The following BNC2 variants were observed in gnomAD, a reference collection of about 807,000 sequenced individuals.
BNC2 encodes the protein basonuclin zinc finger protein 2, also known as zinc finger protein basonuclin-2.
In BNC2, 20 loss-of-function variants were observed where a neutral mutation model predicts 76.3. The observed-to-expected ratio is 0.26, with a 90% CI of 0.18 to 0.38. The LOEUF is 0.38. Among genes scored for constraint, BNC2 ranks in the 10% least tolerant of loss-of-function variants. BNC2 has a pLI of 1.00. For missense variants in BNC2, 1,382 were observed against 1,399.8 expected, an observed-to-expected ratio of 0.99 and a Z score of 0.20; for synonymous variants, 582 against 514.8, an observed-to-expected ratio of 1.13 and a Z score of -1.77.
At chr9:16,710,744 TC>T (rs1823813124) in intron 3 of BNC2, among the ~76,000 whole-genome samples, 1 of 151,718 alleles carries the variant, frequency 6.6e-6, no homozygotes, top group Admixed American at 6.6e-5. Flanking sequence ...CATTCTCCCC[TC>T]CCCCTCCCAA....
intron 5 of BNC2, among the ~76,000 whole-genome samples, chr9:16,533,917 C>T (rs1327540548): frequency 6.6e-6 from 1 of 152,086 alleles, no homozygotes; most frequent in Non-Finnish European, 1.5e-5. Context: ...ACTTTTAAGA[C>T]AATCATTCTT....
At chr9:16,540,156 ATTTT>A (rs36075261) in intron 5 of BNC2, among the ~76,000 whole-genome samples, 3 of 118,470 alleles carry the variant, frequency 2.5e-5, no homozygotes, top group South Asian at 2.7e-4. Flanking sequence ...ATTTAACGTG[ATTTT>A]TTTTTTTTTT....
intron 1 of BNC2, among the ~76,000 whole-genome samples, chr9:16,784,235 A>T (rs1205371150): frequency 1.3e-5 from 2 of 152,232 alleles, no homozygotes; most frequent in Non-Finnish European, 2.9e-5. Context: ...ACAGCTGTGC[A>T]AACAGATAAT....
chr9:16,572,787 TGAC>T (rs1819362632), intron 4 of BNC2, among the ~76,000 whole-genome samples: 1 of 152,092 alleles, frequency 6.6e-6, no homozygotes, highest in Non-Finnish European at 1.5e-5. Context: ...TTTACAGTGG[TGAC>T]TCAAGGGACA....
intron 1 of BNC2, among the ~76,000 whole-genome samples, chr9:16,836,040 A>G (rs1818698535): frequency 6.6e-6 from 1 of 152,214 alleles, no homozygotes; most frequent in Non-Finnish European, 1.5e-5. Flanking sequence ...TCATCTGGTT[A>G]TAACACGAGG....
intron 1 of BNC2, among the ~76,000 whole-genome samples, chr9:16,852,332 A>G (rs1194367865): frequency 1.3e-5 from 2 of 152,206 alleles, no homozygotes; most frequent in African/African-American, 4.8e-5. Context: ...GTTTACATCT[A>G]TCCTGGAAAC....
chr9:16,707,018 C>A (rs1005202186), intron 3 of BNC2, among the ~76,000 whole-genome samples: 1 of 152,094 alleles, frequency 6.6e-6, no homozygotes. Context: ...CTGGCTAACA[C>A]GGTGAAACCC....
At chr9:16,623,575 A>T (rs1297929218) in intron 3 of BNC2, among the ~76,000 whole-genome samples, 1 of 152,224 alleles carries the variant, frequency 6.6e-6, no homozygotes, top group Non-Finnish European at 1.5e-5. Flanking sequence ...AAAAATTTCA[A>T]GTTAATATGA....
At chr9:16,472,559 G>C (rs965277615) in intron 5 of BNC2, among the ~76,000 whole-genome samples, 1 of 152,156 alleles carries the variant, frequency 6.6e-6, no homozygotes, top group Non-Finnish European at 1.5e-5. Flanking sequence ...TTCCAGACTG[G>C]CTCGCCTATT....
Position 16,706,957 on chromosome 9 carries a change from C to T in BNC2, c.330+20840G>A, listed in dbSNP as rs774349988. 8.7e-4 allele frequency among the ~76,000 whole-genome samples: 133 copies of T among 152,198 alleles called. 1 individual carries two copies. The highest frequency in any genetic ancestry group is 1.7e-3 in the Non-Finnish European group (113 of 68,038). On this transcript the variant is annotated intron_variant, in intron 3 of 6. Transcript: ENST00000380672. ...GAGGCTCACGCCTGTAATCCCAGCA[C>T]TTTGGGAGGCCGAGACGGGCGGATC...
chr9:16,811,971 GAAGTC>G lies in BNC2; in HGVS notation c.3+58670_3+58674del, dbSNP rs377283117. Among the ~76,000 whole-genome samples the G allele has an allele frequency of 5.4e-4, 82 of 152,330 alleles. 1 individual carries two copies. Among genetic ancestry groups the G allele is most frequent in the Non-Finnish European group, 7.9e-4 (54 of 68,036 alleles). On this transcript the variant is annotated intron_variant, in intron 1 of 6. Coordinates refer to ENST00000380672, the MANE Select transcript of BNC2 (RefSeq NM_017637.6). ...GGGAGGTGTGAAAAAGAATTAATCA[GAAGTC>G]ATCTCTGAGTGCTACTGCAGAAAGA...
chr9:16,735,429 C>T (rs1283213455), intron 2 of BNC2, among the ~76,000 whole-genome samples: 3 of 150,530 alleles, frequency 2.0e-5, no homozygotes, highest in Non-Finnish European at 4.4e-5. Flanking sequence ...AGGCTGGGGG[C>T]GCACACAACG....
chr9:16,828,583 GAA>G (rs1818505317), intron 1 of BNC2, among the ~76,000 whole-genome samples: 1 of 152,118 alleles, frequency 6.6e-6, no homozygotes, highest in East Asian at 1.9e-4. Context: ...GTAAAAACAG[GAA>G]AGTTTTCAGC....
At chr9:16,515,129 G>A (rs1485157700) in intron 5 of BNC2, among the ~76,000 whole-genome samples, 3 of 152,184 alleles carry the variant, frequency 2.0e-5, no homozygotes, top group Non-Finnish European at 4.4e-5. Context: ...TATTGCAAGT[G>A]GAAGCAACAT....
intron 5 of BNC2, among the ~76,000 whole-genome samples, chr9:16,438,259 T>C (rs573258539): frequency 1.3e-5 from 2 of 152,358 alleles, no homozygotes; most frequent in South Asian, 4.1e-4. Context: ...TTAGACTTAA[T>C]GTATTTGACT....
At chr9:16,481,048 G>A (rs1822042769) in intron 5 of BNC2, among the ~76,000 whole-genome samples, 1 of 152,200 alleles carries the variant, frequency 6.6e-6, no homozygotes, top group Non-Finnish European at 1.5e-5. Context: ...TCTGTATCTA[G>A]CTCAAGGTTT....
At chr9:16,586,243 A>G (rs1391980127) in intron 3 of BNC2, among the ~76,000 whole-genome samples, 2 of 152,030 alleles carry the variant, frequency 1.3e-5, no homozygotes, top group Non-Finnish European at 1.5e-5. Context: ...AGCATATCCC[A>G]ACTCCCCAAG....
intron 1 of BNC2, among the ~76,000 whole-genome samples, chr9:16,790,447 G>A (rs1265828118): frequency 6.6e-6 from 1 of 152,162 alleles, no homozygotes; most frequent in African/African-American, 2.4e-5. Context: ...CAGAAACTCT[G>A]AGAATTGTTT....
rs144369892 is a variant in BNC2 at position 16,546,788 on chromosome 9, C to A, written c.669+5742G>T. 3.3e-5 allele frequency among the ~76,000 whole-genome samples: 5 copies of A among 152,282 alleles called. No homozygotes were observed. The East Asian group carries it at 9.6e-4, about 29-fold the overall frequency. ...TCTTCCCCCAAATCATGCCACACTG[C>A]ATCTACAGACTCTCACATATTACAT... On this transcript the variant is annotated intron_variant, in intron 5 of 6. Coordinates refer to ENST00000380672, the MANE Select transcript of BNC2 (RefSeq NM_017637.6).
Sources: allele counts gnomAD v4.1 joint callset (sites outside exome capture counted in the v4.1 genomes callset), GRCh38; gene constraint gnomAD v4.1.1; transcripts MANE v1.5; gene names NCBI Gene and HGNC (gene_info 2026-07-23, HGNC 2026-07-21).